COLEC12: variants seen among roughly 807,000 people sequenced by gnomAD.
The protein encoded by COLEC12 is collectin subfamily member 12, also known as collectin-12.
In COLEC12, 33 loss-of-function variants were observed where a neutral mutation model predicts 71.1. The observed-to-expected ratio is 0.46, with a 90% CI of 0.35 to 0.62. COLEC12 has a LOEUF of 0.62. COLEC12 is among the 20% of genes least tolerant of loss of function. The pLI is 0.00. For synonymous variants in COLEC12, 350 were observed against 353.0 expected (o/e 0.99, Z 0.10); for missense variants, 765 against 916.1 (o/e 0.84, Z 2.13).
chr18:465,782 GT>G (rs200533614), intron 2 of COLEC12, among the ~76,000 whole-genome samples: 2,209 of 152,168 alleles, frequency 0.015, 48 homozygotes, highest in Non-Finnish European at 0.015. Flanking sequence ...GGAGTAAATA[GT>G]TACCTATGGC....
Position 458,679 on chromosome 18 carries a change from T to A in COLEC12, c.58+22028A>T, listed in dbSNP as rs192933505. Among the ~76,000 whole-genome samples the A allele has an allele frequency of 2.2e-4, 33 of 152,342 alleles. No homozygotes were observed. In the East Asian group the frequency reaches 6.4e-3, roughly 29 times the overall value. On this transcript the variant is annotated intron_variant, in intron 2 of 9. Transcript: ENST00000400256. ...AAGCCCCTTGTTATTTTGGACCTCT[T>A]CATCTAAACTGTCGTCTTCCAGACC...
In COLEC12 at chr18:317,977, C is replaced by CTT. The variant is rs33924107; in HGVS notation, c.*2066_*2067dup. The stretch of plus-strand genomic sequence containing the variant: ...GGGAAAGTCAAACTCTGTCTTTATT[C>CTT]TTTTTTTTTTTTCTTTTTGAGATGA... On this transcript the variant is annotated 3_prime_UTR_variant, in exon 10 of 10. Coordinates refer to ENST00000400256, the MANE Select transcript of COLEC12 (RefSeq NM_130386.3). The CTT allele has an allele frequency of 0.043, 6,349 of 146,598 alleles. 278 individuals are homozygous for CTT. The highest frequency in any genetic ancestry group is 0.12 in the South Asian group (548 of 4,640). The allele number at this position is 146,598 out of a possible 1,614,324, so 9.1% of individuals were successfully genotyped here.
intron 5 of COLEC12, among the ~76,000 whole-genome samples, chr18:335,789 T>TA (rs1914106796): frequency 1.3e-5 from 2 of 152,232 alleles, no homozygotes; most frequent in Middle Eastern, 3.2e-3. Context: ...TGTGTGTTCT[T>TA]CAGTAAGCTC....
chr18:469,288 C>T (rs1438249112), intron 2 of COLEC12, among the ~76,000 whole-genome samples: 1 of 152,244 alleles, frequency 6.6e-6, no homozygotes, highest in East Asian at 1.9e-4. Context: ...ACGTAGTGCC[C>T]TCTATTGTGC....
At chr18:449,735 G>A (rs534120015) in intron 2 of COLEC12, among the ~76,000 whole-genome samples, 1 of 152,286 alleles carries the variant, frequency 6.6e-6, no homozygotes, top group African/African-American at 2.4e-5. Context: ...ATCATGGCAG[G>A]GACACGAGAG....
chr18:438,002 T>C (rs769988331), intron 2 of COLEC12, among the ~76,000 whole-genome samples: 36 of 152,258 alleles, frequency 2.4e-4, no homozygotes, highest in Non-Finnish European at 4.7e-4. Flanking sequence ...TACGTGTTTA[T>C]AGTCAATTAT....
At chr18:422,659 G>T (rs1031815138) in intron 2 of COLEC12, among the ~76,000 whole-genome samples, 10 of 151,446 alleles carry the variant, frequency 6.6e-5, no homozygotes, top group Non-Finnish European at 1.3e-4. Flanking sequence ...ATATTTTATA[G>T]ATTATTATAG....
chr18:378,907 T>G, intron 2 of COLEC12, among the ~76,000 whole-genome samples: 1 of 152,134 alleles, frequency 6.6e-6, no homozygotes, highest in East Asian at 1.9e-4. Context: ...TTCCCAGTTC[T>G]TTCTTTCCAC....
intron 2 of COLEC12, among the ~76,000 whole-genome samples, chr18:383,336 C>T (rs7234186): frequency 0.45 from 68,692 of 151,812 alleles, 15,732 homozygotes; most frequent in Admixed American, 0.52. Context: ...CAGTATGAGT[C>T]AGTGATTTGG....
intron 2 of COLEC12, among the ~76,000 whole-genome samples, chr18:471,392 C>G (rs569642436): frequency 6.6e-6 from 1 of 150,924 alleles, no homozygotes; most frequent in South Asian, 2.1e-4. Flanking sequence ...CTGCTTAAGA[C>G]TATAGAGAAT....
At chr18:477,834 G>A (rs1377605044) in intron 2 of COLEC12, among the ~76,000 whole-genome samples, 1 of 152,146 alleles carries the variant, frequency 6.6e-6, no homozygotes, top group East Asian at 1.9e-4. Flanking sequence ...AGACACAGGA[G>A]TGATTAGGGG....
chr18:407,235 T>G (rs1016081256), intron 2 of COLEC12, among the ~76,000 whole-genome samples: 1 of 152,236 alleles, frequency 6.6e-6, no homozygotes, highest in Non-Finnish European at 1.5e-5. Flanking sequence ...ACCTCAGAGA[T>G]AGCAAAAGTG....
intron 2 of COLEC12, among the ~76,000 whole-genome samples, chr18:361,035 G>C (rs1358009981): frequency 6.6e-6 from 1 of 152,100 alleles, no homozygotes; most frequent in Admixed American, 6.5e-5. Context: ...TCCCTCAGGT[G>C]GTTAAACTCA....
intron 2 of COLEC12, among the ~76,000 whole-genome samples, chr18:415,662 C>T (rs1248244465): frequency 2.0e-5 from 3 of 152,056 alleles, no homozygotes; most frequent in Non-Finnish European, 4.4e-5. Context: ...GCTGTATGTA[C>T]GAAGTCATGA....
intron 2 of COLEC12, among the ~76,000 whole-genome samples, chr18:402,478 C>T (rs1915707209): frequency 6.6e-6 from 1 of 152,020 alleles, no homozygotes; most frequent in Non-Finnish European, 1.5e-5. Flanking sequence ...AAAACGGCAA[C>T]ACAACAGTAT....
intron 2 of COLEC12, among the ~76,000 whole-genome samples, chr18:443,062 G>A (rs1487582174): frequency 1.3e-5 from 2 of 152,228 alleles, no homozygotes; most frequent in South Asian, 2.1e-4. Context: ...AATGTGTCAA[G>A]ACTGTCTTAT....
At chr18:422,516 C>T (rs1344657320) in intron 2 of COLEC12, among the ~76,000 whole-genome samples, 1 of 152,078 alleles carries the variant, frequency 6.6e-6, no homozygotes, top group African/African-American at 2.4e-5. Flanking sequence ...CAAATGCATA[C>T]TCATTAAAAG....
chr18:360,473 G>A (rs1232512086), intron 2 of COLEC12, among the ~76,000 whole-genome samples: 1 of 152,162 alleles, frequency 6.6e-6, no homozygotes, highest in Non-Finnish European at 1.5e-5. Context: ...GTATAGGTGT[G>A]AGCCACCACG....
intron 1 of COLEC12, among the ~76,000 whole-genome samples, chr18:482,769 G>A (rs1480878950): frequency 2.0e-5 from 3 of 151,676 alleles, no homozygotes; most frequent in Non-Finnish European, 2.9e-5. Context: ...CCACTACCAC[G>A]CCCAGCTAAT....
Sources: gnomAD v4.1 joint callset for allele counts (sites outside exome capture counted in the v4.1 genomes callset) on GRCh38, gnomAD v4.1.1 for gene constraint, MANE v1.5 for transcripts, NCBI Gene and HGNC (gene_info 2026-07-23, HGNC 2026-07-21) for gene names.